Variants in S100A7 observed in about 807,000 individuals in gnomAD.
S100A7 encodes S100 calcium binding protein A7.
In S100A7, 2 loss-of-function variants were observed where a neutral mutation model predicts 3.8. That is an observed-to-expected ratio of 0.53 (90% CI 0.22 to 1.67). The LOEUF (loss-of-function observed/expected upper bound fraction) is 1.67, where lower values mean the gene tolerates loss of function less well. S100A7 is among the 40% of genes most tolerant of loss of function. The pLI, the probability that S100A7 is intolerant of heterozygous loss-of-function variation, is 0.20. For missense variants in S100A7, 130 were observed against 126.3 expected (o/e 1.03, Z -0.14); for synonymous variants, 55 against 45.9 (o/e 1.20, Z -0.80).
chr1:153,459,167 G>T, intron 1 of S100A7, 137 bp from the exon 2 acceptor site: 1 of 1,053,420 alleles, frequency 9.5e-7, no homozygotes, highest in Non-Finnish European at 1.3e-6. Context: ...TTTTTTTAAT[G>T]TGATGGGATA....
chr1:153,458,749 T>C, intron 2 of S100A7, 124 bp downstream of exon 2: 2 of 1,150,030 alleles, frequency 1.7e-6, no homozygotes, highest in East Asian at 2.4e-5. Context: ...GATTCACATA[T>C]GATCCAAGTA....
At chr1:153,459,558 G>T (rs1371609773) in intron 1 of S100A7, among the ~76,000 whole-genome samples, 1 of 152,172 alleles carries the variant, frequency 6.6e-6, no homozygotes, top group African/African-American at 2.4e-5. Flanking sequence ...GTGTGTGCAG[G>T]CTCCAGGTGC....
At chr1:153,459,172 G>T in intron 1 of S100A7, 142 bp from the exon 2 acceptor site, 6 of 1,004,494 alleles carry the variant, frequency 6.0e-6, no homozygotes, top group Non-Finnish European at 5.7e-6. Context: ...TTAATGTGAT[G>T]GGATAAGTTG....
At chr1:153,458,196 G>C (rs550181198) in intron 2 of S100A7, among the ~76,000 whole-genome samples, 9 of 152,180 alleles carry the variant, frequency 5.9e-5, no homozygotes, top group African/African-American at 2.2e-4. Flanking sequence ...ATGGGAGGCA[G>C]GTCCTGTCCC....
intron 2 of S100A7, among the ~76,000 whole-genome samples, chr1:153,458,259 C>A (rs146806981): frequency 6.6e-6 from 1 of 152,282 alleles, no homozygotes; most frequent in African/African-American, 2.4e-5. Context: ...CCCAGCCTCA[C>A]TCTTTCCCGT....
chr1:153,460,091 A>G (rs1663791466), intron 1 of S100A7, among the ~76,000 whole-genome samples: 1 of 152,228 alleles, frequency 6.6e-6, no homozygotes, highest in Non-Finnish European at 1.5e-5. Flanking sequence ...AGGGTGACTG[A>G]CAATTTGCAG....
At chr1:153,459,110 A>G in intron 1 of S100A7, 80 bp from the exon 2 acceptor site, 1 of 1,512,994 alleles carries the variant, frequency 6.6e-7, no homozygotes, top group East Asian at 2.3e-5. Context: ...AGGAGGGCTG[A>G]GGACAGAGTA....
In S100A7 at chr1:153,458,999, T is replaced by C. The variant is rs1663755477; in HGVS notation, c.15A>G (p.Gln5=). The change falls in exon 2 of 3, where the codon CAA becomes CAG. Residue 5 remains glutamine (Q), a synonymous_variant. Transcript: ENST00000368723. MSNT[Q]AERSIIGMID... is the part of the protein sequence containing the mutation. ...TCATGCCTATTATGGACCTCTCAGCTTGAGTGTTGCTCATCTTTGCTTTCA... is the reference window on the plus strand; with the variant it reads ...TCATGCCTATTATGGACCTCTCAGCCTGAGTGTTGCTCATCTTTGCTTTCA... 5.6e-6 allele frequency: 9 copies of C among 1,613,170 alleles called. No individual in the cohort carries two copies. Among genetic ancestry groups the C allele is most frequent in the African/African-American group, 2.7e-5 (2 of 74,908 alleles).
At chr1:153,459,053 T>C (rs1663756887) in intron 1 of S100A7, 23 bp from the exon 2 acceptor site, 1 of 1,603,884 alleles carries the variant, frequency 6.2e-7, no homozygotes, top group African/African-American at 1.3e-5. Flanking sequence ...AAGACAATCA[T>C]TTTTTTCCCT....
intron 2 of S100A7, among the ~76,000 whole-genome samples, 172 bp downstream of exon 2, chr1:153,458,699 ACT>A (rs769594287): frequency 4.6e-5 from 7 of 151,818 alleles, no homozygotes; most frequent in Non-Finnish European, 8.8e-5. Context: ...TATCTGTATA[ACT>A]CTTTCCCATT....
intron 1 of S100A7, 74 bp downstream of exon 1, chr1:153,460,534 C>T (rs1663803414): frequency 2.8e-6 from 2 of 702,972 alleles, no homozygotes; most frequent in South Asian, 3.0e-5. Context: ...ACAGCCCTTT[C>T]CCTTCCTACA....
intron 2 of S100A7, 132 bp downstream of exon 2, chr1:153,458,741 T>C: frequency 1.2e-5 from 13 of 1,089,644 alleles, no homozygotes; most frequent in Non-Finnish European, 1.7e-5. Context: ...CATCCTTAGA[T>C]TCACATATGA....
In S100A7 at chr1:153,460,588, A is replaced by G. The variant is rs1663804988; in HGVS notation, c.-18+20T>C. The G allele has an allele frequency of 2.1e-6, 2 of 941,126 alleles. No homozygotes were observed. The highest frequency in any genetic ancestry group is 2.0e-5 in the Admixed American group (1 of 49,876). The allele number at this position is 941,126 out of a possible 1,614,324, so 58.3% of individuals were successfully genotyped here. A position where few individuals can be genotyped will look rare whatever the true frequency, so the allele number is the denominator to read the frequency against. On this transcript the variant is annotated intron_variant, in intron 1 of 2. Transcript: ENST00000368723. ...GCACTGGGCACTTCTAGAAAACGCA[A>G]AGAGGCAGGTGAGACTTACCAGAGC...
intron 1 of S100A7, among the ~76,000 whole-genome samples, chr1:153,460,146 C>A (rs1028090383): frequency 6.6e-6 from 1 of 152,174 alleles, no homozygotes; most frequent in Non-Finnish European, 1.5e-5. Flanking sequence ...AATACCTTAC[C>A]CAGGTAGGGG....
intron 2 of S100A7, 59 bp from the exon 3 acceptor site, chr1:153,458,029 G>A (rs1276597385): frequency 7.6e-6 from 12 of 1,574,946 alleles, no homozygotes; most frequent in African/African-American, 1.3e-5. Context: ...TTTTGGGCTG[G>A]GAGGGAGAGG....
At chr1:153,458,106 G>C (rs1280470954) in intron 2 of S100A7, 136 bp from the exon 3 acceptor site, 2 of 968,566 alleles carry the variant, frequency 2.1e-6, no homozygotes, top group South Asian at 3.2e-5. Context: ...AGAGCACAGG[G>C]TGAGTGGGTG....
At chr1:153,458,607 G>C (rs1193413406) in intron 2 of S100A7, among the ~76,000 whole-genome samples, 1 of 152,190 alleles carries the variant, frequency 6.6e-6, no homozygotes, top group Non-Finnish European at 1.5e-5. Flanking sequence ...GTCTCACAGA[G>C]AGAGGGTCAG....
chr1:153,457,846 T>C lies in S100A7; in HGVS notation c.266A>G (p.Gln89Arg). 6.2e-7 allele frequency: 1 copy of C among 1,614,188 alleles called. No homozygotes were observed. Among genetic ancestry groups the C allele is most frequent in the Non-Finnish European group, 8.5e-7 (1 of 1,180,038 alleles). Residue 89 changes from glutamine to arginine, a missense_variant, in exon 3 of 3, where the codon CAG (glutamine) becomes CGG (arginine). Transcript: ENST00000368723. ...GGAACAGGGCGCTGCTCCATGGCTC[T>C]GCTTGTGGTAGTCTGTGGCTATGTC... ...LGDIATDYHK[Q>R]SHGAAPCSGG...
At chr1:153,458,705 T>C (rs1487965389) in intron 2 of S100A7, among the ~76,000 whole-genome samples, 168 bp downstream of exon 2, 1 of 152,226 alleles carries the variant, frequency 6.6e-6, no homozygotes, top group Admixed American at 6.5e-5. Context: ...TATAACTCTT[T>C]CCCATTTTCA....
Sources: allele counts gnomAD v4.1 joint callset (sites outside exome capture counted in the v4.1 genomes callset), GRCh38; gene constraint gnomAD v4.1.1; transcripts MANE v1.5; gene names NCBI Gene and HGNC (gene_info 2026-07-23, HGNC 2026-07-21).